The following SLC6A5 variants were observed in gnomAD, a reference collection of about 807,000 sequenced individuals.
SLC6A5 encodes the protein solute carrier family 6 member 5, also known as sodium- and chloride-dependent glycine transporter 2.
Under a neutral mutation model 90.5 loss-of-function variants are expected in SLC6A5, and 58 were observed. The ratio of observed to expected loss-of-function variants is 0.64; its 90% confidence interval spans 0.52 to 0.80. SLC6A5 has a LOEUF of 0.80. Ranked by LOEUF, SLC6A5 falls within the 30% of genes least tolerant of loss-of-function variation. The pLI is 0.00. For missense variants in SLC6A5, 1,015 were observed against 1,017.6 expected (o/e 1.00, Z 0.03); for synonymous variants, 427 against 401.4 (o/e 1.06, Z -0.76).
intron 5 of SLC6A5, among the ~76,000 whole-genome samples, chr11:20,608,809 T>G (rs1298311586): frequency 6.6e-6 from 1 of 152,168 alleles, no homozygotes; most frequent in Non-Finnish European, 1.5e-5. Context: ...TTCAAGTATA[T>G]TAAGGGCAAA....
intron 5 of SLC6A5, among the ~76,000 whole-genome samples, chr11:20,611,052 C>T (rs1590159267): frequency 6.6e-6 from 1 of 152,316 alleles, no homozygotes; most frequent in East Asian, 1.9e-4. Flanking sequence ...TTTGCATCCC[C>T]ATTGTTCCTA....
In SLC6A5 at chr11:20,652,583, A is replaced by G. The variant is rs900968433; in HGVS notation, c.2238+127A>G. On this transcript the variant is annotated intron_variant, in intron 15 of 15. Transcript: ENST00000525748. ...GGAGACTTGGTGATGAAGCGATTAC[A>G]GTTGCCACCGTTTCTGTTAAACCCA... 5 of 963,368 alleles carry G rather than the reference A, an allele frequency of 5.2e-6. No homozygotes were observed. In the East Asian group the frequency reaches 7.2e-5, roughly 14 times the overall value. 59.7% of individuals were successfully genotyped at this position (963,368 alleles called of 1,614,324 possible).
chr11:20,618,959 C>T (rs1590164420), intron 7 of SLC6A5, among the ~76,000 whole-genome samples: 1 of 49,962 alleles, frequency 2.0e-5, no homozygotes, highest in Non-Finnish European at 4.7e-5. Context: ...CACACACACA[C>T]ACACACACAC....
chr11:20,629,030 CAG>C (rs1853056799), intron 9 of SLC6A5, among the ~76,000 whole-genome samples: 1 of 152,108 alleles, frequency 6.6e-6, no homozygotes, highest in Non-Finnish European at 1.5e-5. Flanking sequence ...CATTTCAAAT[CAG>C]AGTGGAAAGG....
intron 5 of SLC6A5, among the ~76,000 whole-genome samples, chr11:20,612,977 G>A (rs918010826): frequency 2.6e-5 from 4 of 152,168 alleles, no homozygotes; most frequent in Non-Finnish European, 5.9e-5. Flanking sequence ...TCTCTGGTTG[G>A]CCACAGTCCC....
intron 7 of SLC6A5, among the ~76,000 whole-genome samples, chr11:20,620,649 A>G (rs1852872030): frequency 6.6e-6 from 1 of 152,322 alleles, no homozygotes; most frequent in South Asian, 2.1e-4. Context: ...TTAGAAGCAC[A>G]TTGATTCCCA....
At position 20,649,146 on chromosome 11, in the gene SLC6A5, G is replaced by A. The variant is rs1792989; in HGVS notation, c.2070+2212G>A. 1.8e-3 allele frequency among the ~76,000 whole-genome samples: 278 copies of A among 152,232 alleles called. 1 individual carries two copies. Among genetic ancestry groups the A allele is most frequent in the African/African-American group, 6.2e-3 (259 of 41,530 alleles). Reference sequence around the variant, plus strand: ...GAATGTCAGAGAAGAGGAATTTTACGGACTTCCTGTTTTTTGAGAAAGTTC... The same window carrying A: ...GAATGTCAGAGAAGAGGAATTTTACAGACTTCCTGTTTTTTGAGAAAGTTC... On this transcript the variant is annotated intron_variant, in intron 14 of 15. Transcript: ENST00000525748.
At chr11:20,651,700 G>C (rs1853535278) in intron 14 of SLC6A5, among the ~76,000 whole-genome samples, 1 of 151,930 alleles carries the variant, frequency 6.6e-6, no homozygotes, top group Non-Finnish European at 1.5e-5. Flanking sequence ...CTGAGGTCAG[G>C]AGTTTGAGAT....
intron 7 of SLC6A5, among the ~76,000 whole-genome samples, chr11:20,625,323 G>A (rs1377349119): frequency 2.0e-5 from 3 of 152,134 alleles, no homozygotes; most frequent in East Asian, 1.9e-4. Flanking sequence ...GTGCAATGGC[G>A]TGATCTCTGC....
intron 14 of SLC6A5, among the ~76,000 whole-genome samples, chr11:20,647,413 A>ATTTATATAT (rs1449942483): frequency 7.8e-6 from 1 of 128,802 alleles, no homozygotes; most frequent in Admixed American, 7.6e-5. Context: ...ATTATATAGG[A>ATTTATATAT]ATTCCTATTA....
At chr11:20,604,458 G>A in intron 3 of SLC6A5, 34 bp downstream of exon 3, 6 of 1,608,516 alleles carry the variant, frequency 3.7e-6, no homozygotes, top group Non-Finnish European at 5.1e-6. Context: ...CCTGCGGCGG[G>A]GCGGGGCGGG....
chr11:20,617,789 C>A lies in SLC6A5; in HGVS notation c.1165C>A (p.Pro389Thr). 1.2e-6 allele frequency: 2 copies of A among 1,614,170 alleles called. No homozygotes were observed. Among genetic ancestry groups the A allele is most frequent in the Non-Finnish European group, 1.7e-6 (2 of 1,180,018 alleles). ...VLKISAGIEYPGEIRWPLALC... is the reference protein window; with the variant it reads ...VLKISAGIEYTGEIRWPLALC... Reference sequence around the variant, plus strand: ...GAAGATTTCTGCAGGGATTGAATATCCTGGCGAGATCAGGTGGCCACTAGC... The same window carrying A: ...GAAGATTTCTGCAGGGATTGAATATACTGGCGAGATCAGGTGGCCACTAGC... Residue 389 changes from proline (P) to threonine (T), a missense_variant, in exon 7 of 16, where the codon CCT (proline) becomes ACT (threonine). Physicochemically the swap from Pro to Thr is conservative, Grantham distance 38. Coordinates refer to ENST00000525748, the MANE Select transcript of SLC6A5 (RefSeq NM_004211.5).
intron 13 of SLC6A5, among the ~76,000 whole-genome samples, chr11:20,642,104 C>T (rs932756533): frequency 8.6e-5 from 13 of 151,646 alleles, no homozygotes; most frequent in African/African-American, 3.1e-4. Context: ...GGATATAGTA[C>T]TAAATGAAAA....
intron 8 of SLC6A5, 29 bp from the exon 9 acceptor site, chr11:20,627,951 C>T (rs1853031464): frequency 6.4e-7 from 1 of 1,572,270 alleles, no homozygotes; most frequent in Non-Finnish European, 8.8e-7. Context: ...CTTCATGGGT[C>T]TTGAATCTCT....
chr11:20,610,790 G>T (rs866905461), intron 5 of SLC6A5, among the ~76,000 whole-genome samples: 1 of 152,158 alleles, frequency 6.6e-6, no homozygotes, highest in Non-Finnish European at 1.5e-5. Flanking sequence ...TTTTGCAGGG[G>T]ACATTTGGCA....
chr11:20,604,995 CTGCCCTAAAT>C (rs1160758238), intron 3 of SLC6A5, among the ~76,000 whole-genome samples: 1 of 152,224 alleles, frequency 6.6e-6, no homozygotes, highest in Admixed American at 6.5e-5. Flanking sequence ...TTTCTTTCAT[CTGCCCTAAAT>C]TGGGGGAAGG....
chr11:20,624,581 G>T lies in SLC6A5; in HGVS notation c.1261-2127G>T, dbSNP rs76608850. ...CTGGAGCCCCCTACCAGGTACTCGAGTCTGTGCAGACAGCGTGCGGCAGGT... is the reference window on the plus strand; with the variant it reads ...CTGGAGCCCCCTACCAGGTACTCGATTCTGTGCAGACAGCGTGCGGCAGGT... On this transcript the variant is annotated intron_variant, in intron 7 of 15. Coordinates refer to ENST00000525748, the MANE Select transcript of SLC6A5 (RefSeq NM_004211.5). 0.033 allele frequency among the ~76,000 whole-genome samples: 4,947 copies of T among 152,202 alleles called. 404 individuals carry two copies. In the East Asian group the frequency reaches 0.33, roughly 10 times the overall value.
intron 15 of SLC6A5, among the ~76,000 whole-genome samples, chr11:20,652,680 C>T (rs1223215013): frequency 6.6e-6 from 1 of 152,128 alleles, no homozygotes; most frequent in Non-Finnish European, 1.5e-5. Flanking sequence ...TTATGCTGGT[C>T]CTCAGTGTGG....
intron 5 of SLC6A5, among the ~76,000 whole-genome samples, chr11:20,608,885 A>G (rs1257040233): frequency 1.4e-5 from 2 of 145,480 alleles, no homozygotes; most frequent in East Asian, 2.3e-4. Flanking sequence ...TCTGCCATGA[A>G]CATGTGTTTA....
Sources: allele counts gnomAD v4.1 joint callset (sites outside exome capture counted in the v4.1 genomes callset), GRCh38; gene constraint gnomAD v4.1.1; transcripts MANE v1.5; gene names NCBI Gene and HGNC (gene_info 2026-07-23, HGNC 2026-07-21).